The following UNC13A variants were observed in gnomAD, a reference collection of about 807,000 sequenced individuals.
UNC13A encodes protein unc-13 homolog A.
Under a neutral mutation model 219.7 loss-of-function variants are expected in UNC13A, and 61 were observed. The ratio of observed to expected loss-of-function variants is 0.28; its 90% CI spans 0.23 to 0.34. UNC13A has a LOEUF of 0.34. Among genes scored for constraint, UNC13A ranks in the 10% least tolerant of loss-of-function variants. The probability of loss-of-function intolerance (pLI) is 1.00; values close to 1 mark genes in which losing one functional copy is unlikely to be tolerated. For missense variants in UNC13A, 1,476 were observed against 2,270.3 expected, an observed-to-expected ratio of 0.65 and a Z score of 7.11; for synonymous variants, 920 against 884.6, an observed-to-expected ratio of 1.04 and a Z score of -0.71.
At chr19:17,644,645 C>T (rs749075851) in intron 19 of UNC13A, among the ~76,000 whole-genome samples, 9 of 151,306 alleles carry the variant, frequency 5.9e-5, no homozygotes, top group Non-Finnish European at 1.2e-4. Context: ...ATCTGCCTGC[C>T]TCAGCCGTCC....
chr19:17,677,028 A>G (rs1192302886), intron 1 of UNC13A, among the ~76,000 whole-genome samples: 1 of 152,106 alleles, frequency 6.6e-6, no homozygotes. Context: ...AACAACCAAA[A>G]GTAATGTACA....
chr19:17,637,534 A>C (rs1176207701), intron 25 of UNC13A, among the ~76,000 whole-genome samples: 2 of 151,710 alleles, frequency 1.3e-5, no homozygotes, highest in Non-Finnish European at 2.9e-5. Flanking sequence ...TCCTGACCTC[A>C]TGATCCACCC....
At chr19:17,626,149 TTATC>T (rs989587692) in intron 34 of UNC13A, 3 of 132,892 alleles carry the variant, frequency 2.3e-5, no homozygotes, top group African/African-American at 6.4e-5. Flanking sequence ...ATCCAACCAT[TTATC>T]CATCCATCCA....
Position 17,641,574 on chromosome 19 carries a change from A to C in UNC13A, c.2473-18T>G, listed in dbSNP as rs1238904629. Reference sequence around the variant, plus strand: ...AACAGGTTCTGCCACCATGGGAGAGAAAGTGTCATGGAGAGTGCAAGGGGT... The same window carrying C: ...AACAGGTTCTGCCACCATGGGAGAGCAAGTGTCATGGAGAGTGCAAGGGGT... On this transcript the variant is annotated intron_variant, in intron 20 of 43. Transcript: ENST00000519716. 1 of 1,613,464 alleles carries C rather than the reference A, an allele frequency of 6.2e-7. No homozygotes were observed. Among genetic ancestry groups the C allele is most frequent in the African/African-American group, 1.3e-5 (1 of 74,894 alleles).
chr19:17,676,142 T>C (rs1412129177), intron 1 of UNC13A, 101 bp from the exon 2 acceptor site: 1 of 1,226,068 alleles, frequency 8.2e-7, no homozygotes, highest in Non-Finnish European at 1.2e-6. Flanking sequence ...GATGGAGACA[T>C]AAGGAGAGAG....
chr19:17,651,116 T>C (rs1175942036), intron 12 of UNC13A, among the ~76,000 whole-genome samples: 1 of 151,728 alleles, frequency 6.6e-6, no homozygotes, highest in Non-Finnish European at 1.5e-5. Context: ...TTTCTGTATT[T>C]TTCGTAGATA....
In UNC13A at chr19:17,620,644, G is replaced by T. The variant is rs548410510; in HGVS notation, c.4272+49C>A. On this transcript the variant is annotated intron_variant, in intron 38 of 43. Transcript: ENST00000519716. Reference sequence around the variant, plus strand: ...GTGGAAGGGGGCACAGGGGTGGGGTGGGGGGGAGTGGGATGGGAGCCAGAC... The same window carrying T: ...GTGGAAGGGGGCACAGGGGTGGGGTTGGGGGGAGTGGGATGGGAGCCAGAC... The T allele has an allele frequency of 1.0e-4, 160 of 1,568,398 alleles. No individual in the cohort carries two copies. The Admixed American group carries it at 1.1e-3, about 11-fold the overall frequency.
chr19:17,622,106 A>G lies in UNC13A; in HGVS notation c.4204-236T>C, dbSNP rs538048346. Among the ~76,000 whole-genome samples the G allele has an allele frequency of 3.5e-4, 53 of 152,174 alleles. No homozygotes were observed. The South Asian group carries it at 6.4e-3, about 19-fold the overall frequency. On this transcript the variant is annotated intron_variant, in intron 36 of 43. Coordinates refer to ENST00000519716, the MANE Select transcript of UNC13A (RefSeq NM_001080421.3). The stretch of plus-strand genomic sequence containing the variant: ...GAGGCAGAGACAGGAAAGAGAGAGA[A>G]AGATACAGATACAGAGCTAAAGAAA...
chr19:17,663,593 T>A (rs377476045), intron 7 of UNC13A, 26 bp from the exon 8 acceptor site: 339 of 1,600,278 alleles, frequency 2.1e-4, no homozygotes, highest in Non-Finnish European at 2.5e-4. Context: ...GCAGAAATAA[T>A]AAAAGGGAGC....
At chr19:17,655,766 G>C in intron 10 of UNC13A, 117 bp downstream of exon 10, 1 of 1,423,250 alleles carries the variant, frequency 7.0e-7, no homozygotes, top group Non-Finnish European at 9.1e-7. Flanking sequence ...AGAAACCCAA[G>C]AGCCTGTGAC....
rs564665354 is a variant in UNC13A, at chr19:17,653,409, G to A, written c.1393-732C>T. ...GTTGCCCAGGCTGGAGTGCAGTGGC[G>A]CAATCTCAGCTCACTGCAACCTCCA... is the stretch of plus-strand genomic sequence containing the variant. On this transcript the variant is annotated intron_variant, in intron 11 of 43. Coordinates refer to ENST00000519716, the MANE Select transcript of UNC13A (RefSeq NM_001080421.3). Among the ~76,000 whole-genome samples the A allele has an allele frequency of 8.6e-5, 13 of 151,304 alleles. No homozygotes were observed. In the South Asian group the frequency reaches 1.1e-3, roughly 12 times the overall value.
At chr19:17,686,040 C>T (rs1568278557) in intron 1 of UNC13A, among the ~76,000 whole-genome samples, 1 of 151,628 alleles carries the variant, frequency 6.6e-6, no homozygotes, top group Non-Finnish European at 1.5e-5. Context: ...CTCCTCCTCA[C>T]TCCAACCTCA....
intron 41 of UNC13A, chr19:17,616,340 C>CGGGGCCAGGA: frequency 1.5e-6 from 1 of 671,426 alleles, no homozygotes; most frequent in South Asian, 1.6e-5. Flanking sequence ...TTTTACTAGC[C>CGGGGCCAGGA]GGGGCCAGGA....
intron 8 of UNC13A, among the ~76,000 whole-genome samples, chr19:17,662,274 G>A (rs904633901): frequency 4.0e-5 from 6 of 151,742 alleles, no homozygotes; most frequent in African/African-American, 4.8e-5. Flanking sequence ...TCACGGGAGC[G>A]TGAACCCTAC....
In UNC13A at chr19:17,650,933, A is replaced by ATT. The variant is rs34451347; in HGVS notation, c.1440-1348_1440-1347dup. Among the ~76,000 whole-genome samples, 25 of 128,262 alleles carry ATT rather than the reference A, an allele frequency of 1.9e-4. 1 individual carries two copies. Among genetic ancestry groups the ATT allele is most frequent in the East Asian group, 7.2e-4 (3 of 4,192 alleles). The allele number at this position is 128,262 out of a possible 152,430, so 84.1% of individuals were successfully genotyped here. On this transcript the variant is annotated intron_variant, in intron 12 of 43. Transcript: ENST00000519716. ...AGGTGTACACCGCCACACCCAGCAA[A>ATT]TTTTTTTTTTTTTTTTTTTTTTGAG...
chr19:17,683,398 G>A lies in UNC13A; in HGVS notation c.22+4780C>T, dbSNP rs140021639. On this transcript the variant is annotated intron_variant, in intron 1 of 43. Transcript: ENST00000519716. ...TGTAATCTCAGTACATTGGGAGGCC[G>A]AGGCAAGAGGATCACTTGAAGTCAG... 2.1e-3 allele frequency among the ~76,000 whole-genome samples: 319 copies of A among 152,188 alleles called. 1 individual carries two copies. The highest frequency in any genetic ancestry group is 7.4e-3 in the African/African-American group (308 of 41,514).
chr19:17,615,701 C>A (rs2076655370), intron 41 of UNC13A, among the ~76,000 whole-genome samples: 1 of 151,304 alleles, frequency 6.6e-6, no homozygotes, highest in African/African-American at 2.4e-5. Flanking sequence ...ACAACAAAAC[C>A]AAACACAGAT....
At chr19:17,640,057 CAG>C (rs1568519094) in intron 22 of UNC13A, 149 bp from the exon 23 acceptor site, 14 of 796,348 alleles carry the variant, frequency 1.8e-5, no homozygotes, top group South Asian at 1.2e-4. Flanking sequence ...TGTTTTGAGA[CAG>C]AGTCTTGCTC....
Position 17,641,539 on chromosome 19 carries a change from C to A in UNC13A, c.2490G>T (p.Val830=). Residue 830 remains valine, a synonymous_variant, in exon 21 of 44, where the codon GTG becomes GTT. Transcript: ENST00000519716. ...CGACCCCATTGTTCTGCACGTCGGT[C>A]ACGAAGTGGAACAGGTTCTGCCACC... is the stretch of plus-strand genomic sequence containing the variant. ...TCLHENLFHF[V]TDVQNNGVVK... 1 of 1,613,932 alleles carries A rather than the reference C, an allele frequency of 6.2e-7. No homozygotes were observed. Among genetic ancestry groups the A allele is most frequent in the South Asian group, 1.1e-5 (1 of 91,062 alleles).
Sources: gnomAD v4.1 joint callset for allele counts (sites outside exome capture counted in the v4.1 genomes callset) on GRCh38, gnomAD v4.1.1 for gene constraint, MANE v1.5 for transcripts, NCBI Gene and HGNC (gene_info 2026-07-23, HGNC 2026-07-21) for gene names.